SLC24A4: variants seen among roughly 807,000 people sequenced by gnomAD.
SLC24A4 encodes the protein sodium/potassium/calcium exchanger 4.
In SLC24A4, 53 loss-of-function variants were observed where a neutral mutation model predicts 79.0. That is an observed-to-expected ratio of 0.67 (90% CI 0.54 to 0.84). The LOEUF (loss-of-function observed/expected upper bound fraction) is 0.84. SLC24A4 is among the 40% of genes least tolerant of loss of function. SLC24A4 has a pLI of 0.00. For synonymous variants in SLC24A4, 323 were observed against 323.8 expected (o/e 1.00, Z 0.03); for missense variants, 731 against 822.0 (o/e 0.89, Z 1.35).
intron 1 of SLC24A4, among the ~76,000 whole-genome samples, chr14:92,324,450 G>A (rs1388299161): frequency 6.6e-6 from 1 of 152,258 alleles, no homozygotes; most frequent in Non-Finnish European, 1.5e-5. Flanking sequence ...GGGGCAGTCT[G>A]CCGCGGGGGG....
At chr14:92,428,004 G>A (rs55642221) in intron 2 of SLC24A4, among the ~76,000 whole-genome samples, 30,179 of 152,192 alleles carry the variant, frequency 0.2, 3,080 homozygotes, top group African/African-American at 0.25. Flanking sequence ...ACCAGACACC[G>A]AATCTGCCAG....
At chr14:92,408,335 A>G in intron 2 of SLC24A4, 2 of 958,044 alleles carry the variant, frequency 2.1e-6, no homozygotes, top group Non-Finnish European at 2.5e-6. Flanking sequence ...GTTTAAGGAA[A>G]TGGCTTACTT....
chr14:92,342,197 G>A (rs573853183), intron 2 of SLC24A4, among the ~76,000 whole-genome samples: 1 of 151,528 alleles, frequency 6.6e-6, no homozygotes, highest in East Asian at 2.0e-4. Flanking sequence ...AGGAGATCCT[G>A]AAGGAAACCA....
At chr14:92,331,962 A>T (rs1885504310) in intron 2 of SLC24A4, among the ~76,000 whole-genome samples, 1 of 152,216 alleles carries the variant, frequency 6.6e-6, no homozygotes, top group African/African-American at 2.4e-5. Flanking sequence ...GATACAGTGT[A>T]TAATACATGT....
intron 2 of SLC24A4, among the ~76,000 whole-genome samples, chr14:92,365,149 T>G (rs6575249): frequency 0.98 from 149,598 of 152,382 alleles, 73,481 homozygotes; most frequent in Middle Eastern, 1. Flanking sequence ...CTGCCCGGCT[T>G]CCTCAGGCCT....
chr14:92,328,751 A>T (rs564857318), intron 2 of SLC24A4, among the ~76,000 whole-genome samples: 1 of 152,236 alleles, frequency 6.6e-6, no homozygotes, highest in African/African-American at 2.4e-5. Flanking sequence ...CTTGGGCCGC[A>T]TGACCACCCT....
At position 92,433,893 on chromosome 14, in the gene SLC24A4, A is replaced by G; in HGVS notation, c.242-19A>G. 1.2e-6 allele frequency: 2 copies of G among 1,611,312 alleles called. No homozygotes were observed. Among genetic ancestry groups the G allele is most frequent in the Non-Finnish European group, 1.7e-6 (2 of 1,177,414 alleles). Reference sequence around the variant, plus strand: ...GCCCATAGATAACTAACACTCTGCCATCTCTTCCTGTCTTCCAGCGATTCA... The same window carrying G: ...GCCCATAGATAACTAACACTCTGCCGTCTCTTCCTGTCTTCCAGCGATTCA... On this transcript the variant is annotated intron_variant, in intron 2 of 16. Coordinates refer to ENST00000532405, the MANE Select transcript of SLC24A4 (RefSeq NM_153646.4).
chr14:92,373,946 T>C (rs1426543610), intron 2 of SLC24A4, among the ~76,000 whole-genome samples: 3 of 152,226 alleles, frequency 2.0e-5, no homozygotes, highest in Non-Finnish European at 2.9e-5. Context: ...TCTCATATTA[T>C]TATTTTGAAG....
At chr14:92,412,195 G>A (rs994762128) in intron 2 of SLC24A4, among the ~76,000 whole-genome samples, 1 of 152,284 alleles carries the variant, frequency 6.6e-6, no homozygotes, top group Admixed American at 6.5e-5. Context: ...TCCTGGGATT[G>A]ACTCACATTG....
At position 92,449,114 on chromosome 14, in the gene SLC24A4, A is replaced by G. The variant is rs540053008; in HGVS notation, c.778A>G (p.Lys260Glu). 1.8e-4 allele frequency: 283 copies of G among 1,614,174 alleles called. 2 individuals carry two copies. The South Asian group carries it at 2.8e-3, about 16-fold the overall frequency. The change falls in exon 10 of 17, where the codon AAG (lysine) becomes GAG (glutamate). Residue 260 changes from lysine to glutamate, a missense_variant. By Grantham distance (56) the Lys-to-Glu change is moderately conservative. Transcript: ENST00000532405. ...GCAAGCCTTTTTCACAGTCAAACAA[A>G]AGAGCATTGCAAACGGTAACCCGGT... The part of the protein sequence containing the change: ...KMQAFFTVKQ[K>E]SIANGNPVNS...
intron 2 of SLC24A4, among the ~76,000 whole-genome samples, chr14:92,379,429 G>T (rs1387758209): frequency 2.0e-5 from 3 of 152,204 alleles, no homozygotes; most frequent in Non-Finnish European, 1.5e-5. Context: ...CTCCCTGGTT[G>T]CAGGGGTGGG....
intron 2 of SLC24A4, among the ~76,000 whole-genome samples, chr14:92,327,463 G>A (rs1365859315): frequency 6.6e-6 from 1 of 152,230 alleles, no homozygotes; most frequent in Non-Finnish European, 1.5e-5. Flanking sequence ...AAAAACATGC[G>A]TGAGGCCAAG....
intron 2 of SLC24A4, among the ~76,000 whole-genome samples, chr14:92,390,284 G>A (rs752598457): frequency 1.3e-5 from 2 of 151,824 alleles, no homozygotes; most frequent in African/African-American, 4.8e-5. Context: ...GCATACCCAC[G>A]CCATCTCGCC....
intron 13 of SLC24A4, among the ~76,000 whole-genome samples, chr14:92,483,334 A>G (rs1895168241): frequency 6.6e-6 from 1 of 152,166 alleles, no homozygotes; most frequent in African/African-American, 2.4e-5. Flanking sequence ...TATCCTCATA[A>G]CAGCCCCATG....
chr14:92,420,472 T>A (rs1031024596), intron 2 of SLC24A4, among the ~76,000 whole-genome samples: 1 of 151,850 alleles, frequency 6.6e-6, no homozygotes, highest in Non-Finnish European at 1.5e-5. Context: ...AGCGAGACTC[T>A]GTCTCAAAAA....
At chr14:92,331,118 G>A (rs1885451360) in intron 2 of SLC24A4, among the ~76,000 whole-genome samples, 1 of 152,120 alleles carries the variant, frequency 6.6e-6, no homozygotes. Context: ...TGGAGTATCT[G>A]GGAACCATAC....
chr14:92,385,053 A>C (rs1015197958), intron 2 of SLC24A4, among the ~76,000 whole-genome samples: 1 of 152,232 alleles, frequency 6.6e-6, no homozygotes, highest in Non-Finnish European at 1.5e-5. Context: ...AACTAGAACT[A>C]TGCCTGACAA....
intron 2 of SLC24A4, among the ~76,000 whole-genome samples, chr14:92,328,592 A>C (rs904186964): frequency 6.6e-6 from 1 of 152,254 alleles, no homozygotes; most frequent in African/African-American, 2.4e-5. Context: ...CGAGGTGTCC[A>C]TGGCTCTGTT....
chr14:92,444,173 C>T (rs1892659993), intron 7 of SLC24A4, among the ~76,000 whole-genome samples: 1 of 152,050 alleles, frequency 6.6e-6, no homozygotes, highest in African/African-American at 2.4e-5. Context: ...AAACAATCTA[C>T]GGATACATGA....
Sources: allele counts gnomAD v4.1 joint callset (sites outside exome capture counted in the v4.1 genomes callset), GRCh38; gene constraint gnomAD v4.1.1; transcripts MANE v1.5; gene names NCBI Gene and HGNC (gene_info 2026-07-23, HGNC 2026-07-21).